ALDH8A1: variants seen among roughly 807,000 people sequenced by gnomAD.
ALDH8A1 encodes the protein aldehyde dehydrogenase 8 family member A1.
A neutral mutation model predicts 43.3 loss-of-function variants in ALDH8A1; 39 were observed. The ratio of observed to expected loss-of-function variants is 0.90; its 90% CI spans 0.70 to 1.18. The LOEUF is 1.18. Among genes scored for constraint, ALDH8A1 ranks in the 50% most tolerant of loss-of-function variants. The pLI is 0.00. For missense variants in ALDH8A1, 605 were observed against 622.6 expected, an observed-to-expected ratio of 0.97 and a Z score of 0.30; for synonymous variants, 233 against 243.5, an observed-to-expected ratio of 0.96 and a Z score of 0.40.
chr6:134,919,177 C>A (rs960761060), intron 6 of ALDH8A1, among the ~76,000 whole-genome samples: 4 of 152,142 alleles, frequency 2.6e-5, no homozygotes, highest in Non-Finnish European at 4.4e-5. Context: ...TATTGTTAAT[C>A]TATTATTATC....
intron 1 of ALDH8A1, among the ~76,000 whole-genome samples, chr6:134,945,136 G>T (rs1487423294): frequency 1.3e-5 from 2 of 151,922 alleles, no homozygotes; most frequent in Admixed American, 6.6e-5. Flanking sequence ...AAGGGAATAT[G>T]CTAAATACTT....
At chr6:134,938,201 T>TC (rs762981217) in intron 4 of ALDH8A1, among the ~76,000 whole-genome samples, 2 of 152,138 alleles carry the variant, frequency 1.3e-5, no homozygotes, top group East Asian at 3.9e-4. Context: ...TGAGTCTGTC[T>TC]CCCCCACCCA....
intron 1 of ALDH8A1, among the ~76,000 whole-genome samples, chr6:134,947,028 A>T (rs949470557): frequency 1.3e-5 from 2 of 152,260 alleles, no homozygotes; most frequent in African/African-American, 4.8e-5. Flanking sequence ...GTGTAAAAAC[A>T]GACACATAGA....
chr6:134,942,689 A>G (rs1235957662), intron 2 of ALDH8A1, 125 bp from the exon 3 acceptor site: 2 of 915,284 alleles, frequency 2.2e-6, no homozygotes, highest in African/African-American at 1.7e-5. Context: ...CGGGGCAGGC[A>G]TTCCTTGACC....
At chr6:134,945,810 T>C (rs1215041002) in intron 1 of ALDH8A1, among the ~76,000 whole-genome samples, 4 of 152,124 alleles carry the variant, frequency 2.6e-5, no homozygotes, top group Non-Finnish European at 5.9e-5. Context: ...ATTTCCCTCA[T>C]GCAAAGTGAC....
chr6:134,932,638 A>G (rs1777003427), intron 5 of ALDH8A1, 138 bp downstream of exon 5: 8 of 1,237,524 alleles, frequency 6.5e-6, no homozygotes, highest in South Asian at 3.1e-5. Flanking sequence ...AGTTAAGGGA[A>G]TCACACAATG....
At chr6:134,924,465 T>C (rs1776854204) in intron 6 of ALDH8A1, among the ~76,000 whole-genome samples, 1 of 152,232 alleles carries the variant, frequency 6.6e-6, no homozygotes, top group Admixed American at 6.5e-5. Context: ...TTGATCCTTG[T>C]AGCCAATAAT....
chr6:134,939,260 A>G lies in ALDH8A1; in HGVS notation c.592+6T>C. On this transcript the variant is annotated splice_donor_region_variant and intron_variant, in intron 4 of 6. Coordinates refer to ENST00000265605, the MANE Select transcript of ALDH8A1 (RefSeq NM_022568.4). ...TGCCTGCCCCCCAACCCCAACACCT[A>G]ATTACCTGCTTTATCCAGGAGTTTG... 6.2e-7 allele frequency: 1 copy of G among 1,613,842 alleles called. No individual in the cohort carries two copies. Among genetic ancestry groups the G allele is most frequent in the Non-Finnish European group, 8.5e-7 (1 of 1,179,750 alleles).
At chr6:134,940,268 A>G (rs371429741) in intron 3 of ALDH8A1, 21 of 305,746 alleles carry the variant, frequency 6.9e-5, no homozygotes, top group Admixed American at 3.8e-4. Flanking sequence ...ACCTGTCACT[A>G]AACAGTTCCA....
intron 1 of ALDH8A1, chr6:134,944,169 G>A (rs1234835671): frequency 1.8e-5 from 10 of 564,370 alleles, no homozygotes; most frequent in Non-Finnish European, 2.4e-5. Context: ...CGGGGTTCAA[G>A]TGATTCTCCC....
intron 5 of ALDH8A1, among the ~76,000 whole-genome samples, chr6:134,930,595 A>T (rs1776968862): frequency 6.6e-6 from 1 of 152,230 alleles, no homozygotes; most frequent in Admixed American, 6.5e-5. Flanking sequence ...TAAACTGTTA[A>T]TGTTTTGAAA....
chr6:134,948,038 G>T (rs1773983918), intron 1 of ALDH8A1, among the ~76,000 whole-genome samples: 1 of 152,036 alleles, frequency 6.6e-6, no homozygotes. Flanking sequence ...AGAAAATATG[G>T]TATATATACA....
chr6:134,941,940 C>T (rs1325789152), intron 3 of ALDH8A1, among the ~76,000 whole-genome samples: 1 of 152,076 alleles, frequency 6.6e-6, no homozygotes, highest in South Asian at 2.1e-4. Flanking sequence ...GAACATGAGG[C>T]CTGGCGTGGT....
chr6:134,939,185 G>A, intron 4 of ALDH8A1, 81 bp downstream of exon 4: 1 of 1,560,564 alleles, frequency 6.4e-7, no homozygotes, highest in South Asian at 1.2e-5. Flanking sequence ...GGAATCGATT[G>A]TGCTGCTGAG....
At chr6:134,945,845 A>G (rs1406598355) in intron 1 of ALDH8A1, among the ~76,000 whole-genome samples, 1 of 152,124 alleles carries the variant, frequency 6.6e-6, no homozygotes, top group Non-Finnish European at 1.5e-5. Flanking sequence ...TTTGTGTCTC[A>G]ACCCAAATCT....
chr6:134,946,998 A>G (rs540941450), intron 1 of ALDH8A1, among the ~76,000 whole-genome samples: 19 of 152,360 alleles, frequency 1.2e-4, no homozygotes, highest in Non-Finnish European at 2.2e-4. Flanking sequence ...AGCTATAGTA[A>G]CCAAAGTAGC....
Position 134,939,419 on chromosome 6 carries a change from AG to A in ALDH8A1, c.443-5del, listed in dbSNP as rs779692245. 2.0e-4 allele frequency: 320 copies of A among 1,613,546 alleles called. 1 individual carries two copies. In the South Asian group the frequency reaches 3.4e-3, roughly 17 times the overall value. The stretch of plus-strand genomic sequence containing the variant: ...TTCCAGGGGCTGATCAGACCAGCTA[AG>A]GGATGAGAGCAGAAGCACTGCCTGT... On this transcript the variant is annotated splice_region_variant and splice_polypyrimidine_tract_variant and intron_variant, in intron 3 of 6. Coordinates refer to ENST00000265605, the MANE Select transcript of ALDH8A1 (RefSeq NM_022568.4).
Position 134,932,783 on chromosome 6 carries a change from G to C in ALDH8A1, c.842C>G (p.Ala281Gly). The change falls in exon 5 of 7, where the codon GCC (alanine) becomes GGC (glycine). Residue 281 changes from alanine (A) to glycine (G), a missense_variant. By Grantham distance (60) the Ala-to-Gly change is moderately conservative. Transcript: ENST00000265605. ...CIPATVRSSF[A>G]NQGEICLCTS... The stretch of plus-strand genomic sequence containing the variant: ...GAACCCCCGGGGACATACCTGGTTG[G>C]CAAAGCTGGACCTGACGGTTGCCGG... 6.2e-7 allele frequency: 1 copy of C among 1,614,040 alleles called. No individual in the cohort carries two copies. Among genetic ancestry groups the C allele is most frequent in the Non-Finnish European group, 8.5e-7 (1 of 1,179,948 alleles).
chr6:134,929,332 G>A, intron 5 of ALDH8A1, 117 bp from the exon 6 acceptor site: 2 of 1,053,826 alleles, frequency 1.9e-6, no homozygotes, highest in East Asian at 2.7e-5. Context: ...GGGGTACAAT[G>A]GTAAATAAGA....
Sources: allele counts gnomAD v4.1 joint callset (sites outside exome capture counted in the v4.1 genomes callset), GRCh38; gene constraint gnomAD v4.1.1; transcripts MANE v1.5; gene names NCBI Gene and HGNC (gene_info 2026-07-23, HGNC 2026-07-21).